NLRP14: variants seen among roughly 807,000 people sequenced by gnomAD.
NLRP14 encodes NACHT, LRR and PYD domains-containing protein 14.
In NLRP14, 105 loss-of-function variants were observed where a neutral mutation model predicts 94.7. The observed-to-expected ratio is 1.11, with a 90% CI of 0.95 to 1.30. The LOEUF (loss-of-function observed/expected upper bound fraction) is 1.30. Among genes scored for constraint, NLRP14 ranks in the 50% most tolerant of loss-of-function variants. The probability of loss-of-function intolerance (pLI) is 0.00; values close to 1 mark genes in which losing one functional copy is unlikely to be tolerated. For missense variants in NLRP14, 1,362 were observed against 1,254.1 expected (o/e 1.09, Z -1.30); for synonymous variants, 508 against 459.9 (o/e 1.10, Z -1.34).
chr11:7,021,363 GC>G (rs1565007143), intron 1 of NLRP14, among the ~76,000 whole-genome samples: 2 of 152,292 alleles, frequency 1.3e-5, no homozygotes, highest in East Asian at 3.9e-4. Flanking sequence ...GGGGTGGGTG[GC>G]CCAGCGCCTA....
Position 7,042,762 on chromosome 11 carries a change from G to A in NLRP14, c.736G>A (p.Glu246Lys), listed in dbSNP as rs751307918. 4 of 1,614,232 alleles carry A rather than the reference G, an allele frequency of 2.5e-6. No individual in the cohort carries two copies. The Admixed American group carries it at 6.7e-5, about 27-fold the overall frequency. Residue 246 changes from glutamate to lysine, a missense_variant, in exon 4 of 12, where the codon GAA (glutamate) becomes AAA (lysine). Transcript: ENST00000299481. The stretch of plus-strand genomic sequence containing the variant: ...GCCCAGCACAGAAGGCCCCATTGAA[G>A]AAATCATGTACCAGCCAAGTAGCCT... ...DWPSTEGPIE[E>K]IMYQPSSLLF...
At position 7,071,243 on chromosome 11, in the gene NLRP14, T is replaced by A. The variant is rs151186702; in HGVS notation, c.3217T>A (p.Leu1073Ile). The A allele has an allele frequency of 3.8e-4, 607 of 1,613,466 alleles. 6 individuals carry two copies. Among genetic ancestry groups the A allele is most frequent in the African/African-American group, 5.3e-4 (40 of 74,866 alleles). The change falls in exon 12 of 12, where the codon TTA (leucine) becomes ATA (isoleucine). Residue 1073 changes from leucine (L) to isoleucine (I), a missense_variant. Physicochemically the swap from Leu to Ile is conservative, Grantham distance 5 (BLOSUM62 2). Transcript: ENST00000299481. ...LEAVGVSNPH[L>I]IIKPDCNYHN... ...AGCTGTGGGAGTTAGCAATCCACAC[T>A]TAATCATTAAGCCAGATTGTAACTA...
At chr11:7,026,479 T>A (rs1263658394) in intron 1 of NLRP14, among the ~76,000 whole-genome samples, 6 of 152,032 alleles carry the variant, frequency 3.9e-5, no homozygotes, top group Non-Finnish European at 8.8e-5. Flanking sequence ...CCAGTTAGAA[T>A]GGCAATCATT....
At chr11:7,026,270 A>G (rs916092555) in intron 1 of NLRP14, among the ~76,000 whole-genome samples, 1 of 152,216 alleles carries the variant, frequency 6.6e-6, no homozygotes, top group Non-Finnish European at 1.5e-5. Context: ...ACAAAGGGCT[A>G]ATATCCGGAA....
At chr11:7,023,415 A>G (rs1482586373) in intron 1 of NLRP14, among the ~76,000 whole-genome samples, 1 of 146,448 alleles carries the variant, frequency 6.8e-6, no homozygotes, top group East Asian at 2.0e-4. Context: ...AAACATTTTT[A>G]TATAAAAACA....
the NLRP14 span, chr11:7,089,903 C>T: frequency 2.9e-5 from 47 of 1,612,910 alleles, no homozygotes; most frequent in Admixed American, 7.0e-4. Context: ...GCGACCGAGA[C>T]GGCTACGGAG....
Position 7,057,779 on chromosome 11 carries a change from G to A in NLRP14, c.2394G>A (p.Leu798=). 21 of 1,611,048 alleles carry A rather than the reference G, an allele frequency of 1.3e-5. No homozygotes were observed. Among genetic ancestry groups the A allele is most frequent in the Non-Finnish European group, 1.8e-5 (21 of 1,177,364 alleles). Residue 798 remains leucine (L), a synonymous_variant, in exon 7 of 12, where the codon CTG becomes CTA. Coordinates refer to ENST00000299481, the MANE Select transcript of NLRP14 (RefSeq NM_176822.4). The stretch of plus-strand genomic sequence containing the variant: ...TTCTGAATCTGTCAACCAATAATCT[G>A]TTGGATGATGGAGTGCAGCTTTTGT... The part of the protein sequence containing the change: ...LIFLNLSTNN[L]LDDGVQLLCE...
intron 1 of NLRP14, among the ~76,000 whole-genome samples, chr11:7,030,533 G>C (rs1852076025): frequency 2.0e-5 from 3 of 147,758 alleles, no homozygotes; most frequent in African/African-American, 5.1e-5. Flanking sequence ...TTCACCCCCA[G>C]CGCTGTATTC....
intron 1 of NLRP14, among the ~76,000 whole-genome samples, chr11:7,035,526 A>G (rs1852149283): frequency 6.6e-6 from 1 of 152,210 alleles, no homozygotes; most frequent in Admixed American, 6.5e-5. Flanking sequence ...TAACGCACGT[A>G]TAGTATCCCC....
downstream of NLRP14, among the ~76,000 whole-genome samples, chr11:7,073,757 G>T (rs1410523479): frequency 6.6e-6 from 1 of 152,198 alleles, no homozygotes; most frequent in Non-Finnish European, 1.5e-5. Context: ...CCATATGAAA[G>T]AGACACATAG....
chr11:7,040,251 C>T (rs1339010925), intron 3 of NLRP14, among the ~76,000 whole-genome samples: 1 of 152,142 alleles, frequency 6.6e-6, no homozygotes, highest in Non-Finnish European at 1.5e-5. Context: ...CCCTACTGGT[C>T]GGCGGCCCCT....
chr11:7,079,747 G>A, the NLRP14 span, among the ~76,000 whole-genome samples: 1 of 152,248 alleles, frequency 6.6e-6, no homozygotes, highest in African/African-American at 2.4e-5. Flanking sequence ...ATGGAGCAAG[G>A]GCAAGAGCAC....
In NLRP14 at chr11:7,062,426, C is replaced by T; in HGVS notation, c.2898C>T (p.Asn966=). Residue 966 remains asparagine (N), a synonymous_variant, in exon 10 of 12, where the codon AAC becomes AAT. Transcript: ENST00000299481. ...NPNLRSLDLG[N]NDLQDDGVKI... is the part of the protein sequence containing the mutation. ...ACCTGAGGAGCCTGGACCTTGGGAACAACGATTTGCAGGATGATGGAGTGA... is the reference window on the plus strand; with the variant it reads ...ACCTGAGGAGCCTGGACCTTGGGAATAACGATTTGCAGGATGATGGAGTGA... 1.9e-6 allele frequency: 3 copies of T among 1,613,208 alleles called. No individual in the cohort carries two copies. Among genetic ancestry groups the T allele is most frequent in the Non-Finnish European group, 2.5e-6 (3 of 1,179,392 alleles).
chr11:7,089,275 C>G, the NLRP14 span: 1 of 1,608,822 alleles, frequency 6.2e-7, no homozygotes, highest in South Asian at 1.1e-5. Flanking sequence ...AGGGGCTTCG[C>G]GTTCGTCACC....
At chr11:7,075,626 T>C (rs890562363), downstream of NLRP14, among the ~76,000 whole-genome samples, 1 of 152,216 alleles carries the variant, frequency 6.6e-6, no homozygotes, top group African/African-American at 2.4e-5. Flanking sequence ...ATTTTACTTA[T>C]TATTTGTCTT....
intron 1 of NLRP14, among the ~76,000 whole-genome samples, chr11:7,034,791 T>G (rs1045565271): frequency 6.6e-6 from 1 of 152,226 alleles, no homozygotes; most frequent in African/African-American, 2.4e-5. Flanking sequence ...GTATTAATGA[T>G]GTACTACTTA....
chr11:7,089,827 G>A, the NLRP14 span: 2 of 1,609,930 alleles, frequency 1.2e-6, no homozygotes, highest in South Asian at 1.1e-5. Flanking sequence ...CCCTCGCCCG[G>A]AGAGTACACC....
At chr11:7,084,280 G>A in the NLRP14 span, among the ~76,000 whole-genome samples, 1 of 152,196 alleles carries the variant, frequency 6.6e-6, no homozygotes, top group Admixed American at 6.5e-5. Flanking sequence ...TTTGACATAA[G>A]AAATATGTTT....
chr11:7,064,520 G>A (rs1184716885), intron 10 of NLRP14, among the ~76,000 whole-genome samples: 1 of 151,552 alleles, frequency 6.6e-6, no homozygotes, highest in African/African-American at 2.4e-5. Flanking sequence ...TCCAAATATT[G>A]TTGCTGCTCT....
Sources: gnomAD v4.1 joint callset for allele counts (sites outside exome capture counted in the v4.1 genomes callset) on GRCh38, gnomAD v4.1.1 for gene constraint, MANE v1.5 for transcripts, NCBI Gene and HGNC (gene_info 2026-07-23, HGNC 2026-07-21) for gene names.